The following MCC variants were observed in gnomAD, a reference collection of about 807,000 sequenced individuals.
MCC encodes the protein colorectal mutant cancer protein.
In MCC, 90 loss-of-function variants were observed where a neutral mutation model predicts 116.2. That is an observed-to-expected ratio of 0.77 (90% confidence interval 0.65 to 0.92). The LOEUF (loss-of-function observed/expected upper bound fraction) is 0.92, where lower values mean the gene tolerates loss of function less well. MCC is among the 40% of genes least tolerant of loss of function. The probability of loss-of-function intolerance (pLI) is 0.00; values close to 1 mark genes in which losing one functional copy is unlikely to be tolerated. For missense variants in MCC, 1,516 were observed against 1,312.2 expected, an observed-to-expected ratio of 1.16 and a Z score of -2.40; for synonymous variants, 578 against 510.5, an observed-to-expected ratio of 1.13 and a Z score of -1.78.
intron 1 of MCC, among the ~76,000 whole-genome samples, chr5:113,390,866 A>G (rs1363102626): frequency 1.3e-5 from 2 of 152,226 alleles, no homozygotes; most frequent in African/African-American, 2.4e-5. Flanking sequence ...TGCTCATGAA[A>G]GACTACAAAA....
intron 3 of MCC, among the ~76,000 whole-genome samples, chr5:113,173,049 T>A (rs1223902961): frequency 6.6e-6 from 1 of 152,312 alleles, no homozygotes; most frequent in African/African-American, 2.4e-5. Context: ...ATAACAGATA[T>A]TAACTTTTCA....
intron 2 of MCC, among the ~76,000 whole-genome samples, chr5:113,377,033 T>C (rs1769003492): frequency 6.6e-6 from 1 of 152,202 alleles, no homozygotes; most frequent in African/African-American, 2.4e-5. Flanking sequence ...CTGGAAGCCA[T>C]GACCAGGAGC....
At chr5:113,306,297 G>T (rs942667134) in intron 3 of MCC, among the ~76,000 whole-genome samples, 4 of 152,040 alleles carry the variant, frequency 2.6e-5, no homozygotes, top group Non-Finnish European at 4.4e-5. Flanking sequence ...TGGTAATAGG[G>T]CAATTTTATC....
chr5:113,062,592 C>A (rs1165346762), intron 14 of MCC, among the ~76,000 whole-genome samples: 1 of 152,186 alleles, frequency 6.6e-6, no homozygotes, highest in Non-Finnish European at 1.5e-5. Flanking sequence ...AATAAACACA[C>A]AAATTATAGA....
At chr5:113,027,598 A>G in intron 18 of MCC, 116 bp from the exon 19 acceptor site, 1 of 933,302 alleles carries the variant, frequency 1.1e-6, no homozygotes, top group Non-Finnish European at 1.6e-6. Context: ...AAGATCACTC[A>G]TCCTCTTCGG....
chr5:113,293,421 C>T (rs1766586678), intron 3 of MCC, among the ~76,000 whole-genome samples: 1 of 152,168 alleles, frequency 6.6e-6, no homozygotes, highest in Admixed American at 6.5e-5. Flanking sequence ...CCATAAATGG[C>T]TCAGTGATGG....
intron 3 of MCC, among the ~76,000 whole-genome samples, chr5:113,176,129 G>A (rs1301506998): frequency 6.6e-6 from 1 of 152,160 alleles, no homozygotes; most frequent in African/African-American, 2.4e-5. Context: ...CAAGGCATTT[G>A]TTATAATGGG....
intron 11 of MCC, among the ~76,000 whole-genome samples, chr5:113,074,120 G>A (rs1163503533): frequency 6.6e-6 from 1 of 152,238 alleles, no homozygotes; most frequent in African/African-American, 2.4e-5. Context: ...CTAACTGGGA[G>A]ACACCTCCCA....
chr5:113,206,417 A>G (rs995088419), intron 3 of MCC, among the ~76,000 whole-genome samples: 1 of 152,180 alleles, frequency 6.6e-6, no homozygotes, highest in Non-Finnish European at 1.5e-5. Flanking sequence ...TATTTTCCAA[A>G]TATTTAAATT....
intron 8 of MCC, among the ~76,000 whole-genome samples, chr5:113,087,813 T>TA (rs962870140): frequency 2.7e-5 from 4 of 149,992 alleles, no homozygotes; most frequent in Non-Finnish European, 3.0e-5. Context: ...AAAATACAGA[T>TA]AAAAAAAATC....
intron 11 of MCC, among the ~76,000 whole-genome samples, chr5:113,081,597 C>T (rs1305386647): frequency 6.6e-6 from 1 of 152,176 alleles, no homozygotes; most frequent in Non-Finnish European, 1.5e-5. Context: ...CCCCTGAAGG[C>T]ATCTGACTTC....
intron 3 of MCC, among the ~76,000 whole-genome samples, chr5:113,193,552 C>A (rs1018971859): frequency 1.3e-5 from 2 of 152,170 alleles, no homozygotes; most frequent in African/African-American, 4.8e-5. Flanking sequence ...CCTAGGAATT[C>A]TCTCCGTATC....
At position 113,025,846 on chromosome 5, in the gene MCC, T is replaced by C. The variant is rs1750508642; in HGVS notation, c.*1456A>G. 6.6e-6 allele frequency: 1 copy of C among 152,138 alleles called. No individual in the cohort carries two copies. Among genetic ancestry groups the C allele is most frequent in the Non-Finnish European group, 1.5e-5 (1 of 68,022 alleles). 9.4% of individuals were successfully genotyped at this position (152,138 alleles called of 1,614,324 possible). ...CGAACAGAAGGCTGTGGAATTTGTATCATGCTCTGAAAATAGACCTACCCG... is the reference window on the plus strand; with the variant it reads ...CGAACAGAAGGCTGTGGAATTTGTACCATGCTCTGAAAATAGACCTACCCG... On this transcript the variant is annotated 3_prime_UTR_variant, in exon 19 of 19. Transcript: ENST00000408903.
chr5:113,081,364 T>C (rs62374680), intron 11 of MCC, among the ~76,000 whole-genome samples: 17,078 of 152,216 alleles, frequency 0.11, 2,357 homozygotes, highest in African/African-American at 0.33. Context: ...AGGACTACTC[T>C]ACCCTCACAA....
chr5:113,231,063 C>G (rs1172343908), intron 3 of MCC, among the ~76,000 whole-genome samples: 1 of 151,676 alleles, frequency 6.6e-6, no homozygotes, highest in Non-Finnish European at 1.5e-5. Flanking sequence ...AGCAAATCCT[C>G]TTCTCCAAAA....
chr5:113,374,991 C>CAAAA (rs70973680), intron 2 of MCC, among the ~76,000 whole-genome samples: 15 of 85,180 alleles, frequency 1.8e-4, no homozygotes, highest in Non-Finnish European at 2.2e-4. Flanking sequence ...GACCCTGTCT[C>CAAAA]AAAAAAAAAA....
At chr5:113,043,747 G>C in intron 16 of MCC, 117 bp from the exon 17 acceptor site, 1 of 668,602 alleles carries the variant, frequency 1.5e-6, no homozygotes, top group South Asian at 1.8e-5. Flanking sequence ...TGGGCACCGG[G>C]TGGCGCCCTC....
intron 8 of MCC, among the ~76,000 whole-genome samples, chr5:113,099,699 T>C (rs1483328543): frequency 6.6e-6 from 1 of 152,194 alleles, no homozygotes; most frequent in Non-Finnish European, 1.5e-5. Flanking sequence ...CCCTGGTACC[T>C]AGTGTAGTGC....
chr5:113,079,553 G>A (rs1315169899), intron 11 of MCC, among the ~76,000 whole-genome samples: 2 of 152,286 alleles, frequency 1.3e-5, no homozygotes, highest in East Asian at 3.9e-4. Flanking sequence ...AACAAGAAAT[G>A]GGGAAAGGAT....
Sources: gnomAD v4.1 joint callset for allele counts (sites outside exome capture counted in the v4.1 genomes callset) on GRCh38, gnomAD v4.1.1 for gene constraint, MANE v1.5 for transcripts, NCBI Gene and HGNC (gene_info 2026-07-23, HGNC 2026-07-21) for gene names.